Variants in MTCL2 observed in about 807,000 individuals in gnomAD.
MTCL2 encodes microtubule cross-linking factor 2.
chr20:36,791,779 A>C, the MTCL2 span, among the ~76,000 whole-genome samples: 2 of 152,220 alleles, frequency 1.3e-5, no homozygotes, highest in Admixed American at 6.5e-5. Flanking sequence ...ACAGAGAAAA[A>C]GGAGGAATAT....
At chr20:36,788,595 GC>G in the MTCL2 span, among the ~76,000 whole-genome samples, 1 of 151,228 alleles carries the variant, frequency 6.6e-6, no homozygotes. Context: ...CCAAGATCGT[GC>G]CACTGCACTC....
chr20:36,786,391 A>G, the MTCL2 span: 1 of 1,420,386 alleles, frequency 7.0e-7, no homozygotes, highest in Non-Finnish European at 9.2e-7. Flanking sequence ...AATGCTGAGG[A>G]CACAGCCCCT....
chr20:36,860,844 T>C, the MTCL2 span, among the ~76,000 whole-genome samples: 1 of 152,030 alleles, frequency 6.6e-6, no homozygotes, highest in Non-Finnish European at 1.5e-5. Context: ...GAATGAATGG[T>C]GGAAATTACG....
At chr20:36,798,379 T>C in the MTCL2 span, among the ~76,000 whole-genome samples, 4 of 152,390 alleles carry the variant, frequency 2.6e-5, no homozygotes, top group East Asian at 7.7e-4. Context: ...CATTAGTTGA[T>C]TTAATCCTCA....
chr20:36,812,873 C>A, the MTCL2 span: 11 of 1,601,454 alleles, frequency 6.9e-6, no homozygotes, highest in Middle Eastern at 1.8e-4. Context: ...GCAGAACAAA[C>A]CAAAGATCAC....
the MTCL2 span, chr20:36,796,874 G>A: frequency 1.2e-6 from 2 of 1,613,810 alleles, no homozygotes; most frequent in East Asian, 2.2e-5. Context: ...GGACCAGCAT[G>A]CAAGCACCTC....
At chr20:36,813,752 C>CAAA in the MTCL2 span, among the ~76,000 whole-genome samples, 161 of 65,030 alleles carry the variant, frequency 2.5e-3, 1 homozygote, top group Admixed American at 4.7e-3. Context: ...GACTCTGTCT[C>CAAA]AAAAAAAAAA....
At chr20:36,860,165 T>C in the MTCL2 span, among the ~76,000 whole-genome samples, 67,080 of 151,916 alleles carry the variant, frequency 0.44, 15,749 homozygotes, top group Middle Eastern at 0.65. Context: ...TTCCCCTCTC[T>C]GGCCTTAGCG....
At chr20:36,786,153 T>C in the MTCL2 span, 2 of 1,011,676 alleles carry the variant, frequency 2.0e-6, no homozygotes, top group South Asian at 9.0e-5. Flanking sequence ...TCCAAGAGGG[T>C]GGCATGGGCA....
the MTCL2 span, chr20:36,815,846 C>T: frequency 6.2e-7 from 1 of 1,600,742 alleles, no homozygotes; most frequent in Non-Finnish European, 8.5e-7. The surrounding 1 kb of genome is among the most constrained non-coding windows in gnomAD (Gnocchi z 5.3). Context: ...GGTCCTCGAG[C>T]TCGGCAGAGG....
chr20:36,784,136 G>A, the MTCL2 span: 5 of 985,694 alleles, frequency 5.1e-6, no homozygotes, highest in Non-Finnish European at 6.0e-6. Flanking sequence ...CTCCCTGGCT[G>A]TCGCTCTGGG....
At chr20:36,845,885 C>A in the MTCL2 span, among the ~76,000 whole-genome samples, 1 of 152,134 alleles carries the variant, frequency 6.6e-6, no homozygotes, top group Non-Finnish European at 1.5e-5. Context: ...GGCTTCCCAG[C>A]TCCTTCACAG....
chr20:36,841,890 T>TGTGG, the MTCL2 span, among the ~76,000 whole-genome samples: 2 of 149,778 alleles, frequency 1.3e-5, no homozygotes, highest in Non-Finnish European at 3.0e-5. Context: ...TGTGTGTGTG[T>TGTGG]GTGTGTGTGT....
chr20:36,831,660 G>T, the MTCL2 span, among the ~76,000 whole-genome samples: 5 of 152,190 alleles, frequency 3.3e-5, no homozygotes, highest in Middle Eastern at 3.2e-3. Flanking sequence ...TCTGCCCGAG[G>T]ATCTCGTAGG....
the MTCL2 span, chr20:36,777,802 G>A: frequency 1.6e-6 from 1 of 615,010 alleles, no homozygotes; most frequent in South Asian, 2.0e-5. Flanking sequence ...CTGGGGAGGG[G>A]CCAGGATGAG....
chr20:36,829,353 G>A, the MTCL2 span: 1 of 807,490 alleles, frequency 1.2e-6, no homozygotes. Context: ...CGCTGCAGAT[G>A]AGCAAACTGA....
chr20:36,825,599 C>T, the MTCL2 span, among the ~76,000 whole-genome samples: 2,998 of 152,320 alleles, frequency 0.02, 108 homozygotes, highest in African/African-American at 0.069. Context: ...AGAGCTGTCT[C>T]CATGGCAACC....
chr20:36,794,383 G>A, the MTCL2 span: 1 of 1,613,064 alleles, frequency 6.2e-7, no homozygotes, highest in East Asian at 2.2e-5. The surrounding 1 kb of genome is among the most constrained non-coding windows in gnomAD (Gnocchi z 5.4). Context: ...GCCTCCCTGG[G>A]GGGTCCTGGC....
At chr20:36,842,022 T>C in the MTCL2 span, among the ~76,000 whole-genome samples, 3 of 151,960 alleles carry the variant, frequency 2.0e-5, no homozygotes, top group Admixed American at 6.6e-5. Flanking sequence ...TAAGCCACCA[T>C]GCCTGGCCTG....
Sources: gnomAD v4.1 joint callset for allele counts (sites outside exome capture counted in the v4.1 genomes callset) on GRCh38, gnomAD v4.1.1 for gene constraint, Gnocchi (gnomAD v3.1) non-coding constraint, MANE v1.5 for transcripts, NCBI Gene and HGNC (gene_info 2026-07-23, HGNC 2026-07-21) for gene names.